SRGAP1: variants seen among roughly 807,000 people sequenced by gnomAD.
SRGAP1 encodes SLIT-ROBO Rho GTPase-activating protein 1.
SRGAP1 carries 43 observed loss-of-function variants against 121.9 expected under a neutral mutation model. That is an observed-to-expected ratio of 0.35 (90% CI 0.28 to 0.46). SRGAP1 has a LOEUF of 0.46. SRGAP1 is among the 20% of genes least tolerant of loss of function. The probability of loss-of-function intolerance (pLI) is 1.00; values close to 1 mark genes in which losing one functional copy is unlikely to be tolerated. For synonymous variants in SRGAP1, 447 were observed against 485.4 expected (o/e 0.92, Z 1.04); for missense variants, 1,102 against 1,350.9 (o/e 0.82, Z 2.89).
intron 1 of SRGAP1, among the ~76,000 whole-genome samples, chr12:63,920,980 C>T (rs539101493): frequency 2.0e-5 from 3 of 152,140 alleles, no homozygotes; most frequent in Admixed American, 2.0e-4. Context: ...AAAGTACCTT[C>T]AATTAAACAT....
chr12:63,904,738 G>C (rs57751875), intron 1 of SRGAP1, among the ~76,000 whole-genome samples: 23,709 of 151,986 alleles, frequency 0.16, 2,046 homozygotes, highest in African/African-American at 0.21. Context: ...GAAGACCAAC[G>C]TGGTCAACTT....
At chr12:64,036,372 G>A (rs2034903548) in intron 4 of SRGAP1, among the ~76,000 whole-genome samples, 1 of 152,160 alleles carries the variant, frequency 6.6e-6, no homozygotes, top group Admixed American at 6.5e-5. Context: ...TACCCCAGTG[G>A]TTTGGTTAGT....
intron 1 of SRGAP1, among the ~76,000 whole-genome samples, chr12:63,858,454 T>C (rs1899329776): frequency 6.6e-6 from 1 of 152,026 alleles, no homozygotes; most frequent in South Asian, 2.1e-4. Context: ...GTGCTGGGAT[T>C]ACAGGCATAG....
chr12:64,069,053 A>G (rs1196796210), intron 8 of SRGAP1, among the ~76,000 whole-genome samples: 1 of 151,506 alleles, frequency 6.6e-6, no homozygotes, highest in Non-Finnish European at 1.5e-5. Flanking sequence ...TTATAAATAT[A>G]TATTATTTAT....
At chr12:63,877,788 T>A (rs2136283232) in intron 1 of SRGAP1, among the ~76,000 whole-genome samples, 1 of 152,358 alleles carries the variant, frequency 6.6e-6, no homozygotes, top group Middle Eastern at 3.4e-3. Context: ...AGATACCATC[T>A]TTCTAGTCAG....
chr12:64,081,925 G>A (rs1222698470), intron 10 of SRGAP1: 1 of 128,170 alleles, frequency 7.8e-6, no homozygotes, highest in Non-Finnish European at 1.6e-5. Flanking sequence ...AAAAAAAAAA[G>A]TCTTTTTATC....
At chr12:63,991,568 TAGAC>T (rs1384130215) in intron 3 of SRGAP1, among the ~76,000 whole-genome samples, 9 of 152,200 alleles carry the variant, frequency 5.9e-5, no homozygotes, top group East Asian at 1.9e-4. Context: ...AAAAATAATT[TAGAC>T]AGAGCTGTGA....
intron 1 of SRGAP1, among the ~76,000 whole-genome samples, chr12:63,959,593 T>TA (rs1413059970): frequency 1.3e-5 from 2 of 152,316 alleles, no homozygotes; most frequent in African/African-American, 4.8e-5. Context: ...GGGTTTTTTT[T>TA]AAACTGTTAA....
In SRGAP1 at chr12:64,161,599, C is replaced by A. The variant is rs959648694; in HGVS notation, c.*18927C>A. The A allele has an allele frequency of 6.6e-6, 1 of 151,962 alleles. No homozygotes were observed. Among genetic ancestry groups the A allele is most frequent in the Admixed American group, 6.6e-5 (1 of 15,244 alleles). 9.4% of individuals were successfully genotyped at this position (151,962 alleles called of 1,614,324 possible). A position where few individuals can be genotyped will look rare whatever the true frequency, so the allele number is the denominator to read the frequency against. On this transcript the variant is annotated 3_prime_UTR_variant, in exon 22 of 22. Transcript: ENST00000355086. Reference sequence around the variant, plus strand: ...ATTAGTGATAGTTCTTCTAAGTTTTCTTCTCTCTGCACACTGTATTTCCTC... The same window carrying A: ...ATTAGTGATAGTTCTTCTAAGTTTTATTCTCTCTGCACACTGTATTTCCTC...
intron 1 of SRGAP1, 94 bp from the exon 2 acceptor site, chr12:63,983,828 ATATATATATATATATATATATATAT>A (rs2033333094): frequency 1.0e-5 from 1 of 95,964 alleles, no homozygotes; most frequent in Non-Finnish European, 2.0e-5. Flanking sequence ...ATATATATAT[ATATATATATATATATATATATATAT>A]ATTTATATAT....
chr12:63,955,717 AAAAC>A (rs2032444036), intron 1 of SRGAP1, among the ~76,000 whole-genome samples: 2 of 152,160 alleles, frequency 1.3e-5, no homozygotes, highest in Admixed American at 1.3e-4. Flanking sequence ...TTGAAAAAAA[AAAAC>A]AAGCTTTTGA....
intron 3 of SRGAP1, among the ~76,000 whole-genome samples, chr12:64,000,279 A>AGTGTGTGT (rs1161739912): frequency 3.5e-4 from 37 of 107,082 alleles, no homozygotes; most frequent in African/African-American, 1.3e-3. Flanking sequence ...TGTGTGTAAA[A>AGTGTGTGT]AAAAAAAACC....
At position 64,002,351 on chromosome 12, in the gene SRGAP1, G is replaced by C. The variant is rs376184240; in HGVS notation, c.426+12279G>C. On this transcript the variant is annotated intron_variant, in intron 3 of 21. Transcript: ENST00000355086. Reference sequence around the variant, plus strand: ...TGATCAGAGGAGCTGTGATCCAAGAGGGTGGGGCAACAACCTGTTGTTTTA... The same window carrying C: ...TGATCAGAGGAGCTGTGATCCAAGACGGTGGGGCAACAACCTGTTGTTTTA... Among the ~76,000 whole-genome samples, 62 of 152,326 alleles carry C rather than the reference G, an allele frequency of 4.1e-4. 1 individual carries two copies. In the Middle Eastern group the frequency reaches 0.02, roughly 50 times the overall value.
intron 1 of SRGAP1, among the ~76,000 whole-genome samples, chr12:63,977,757 T>A (rs1288038482): frequency 2.0e-5 from 3 of 152,222 alleles, no homozygotes; most frequent in Admixed American, 2.0e-4. Flanking sequence ...TTGGTATTGA[T>A]TCATTCCGTA....
intron 18 of SRGAP1, among the ~76,000 whole-genome samples, chr12:64,119,781 T>TC (rs199649083): frequency 0.011 from 1,648 of 149,810 alleles, 38 homozygotes; most frequent in African/African-American, 0.038. Context: ...TTTTTTTTTT[T>TC]TTTTTTTTGG....
chr12:63,855,296 A>G (rs1899201223), intron 1 of SRGAP1, among the ~76,000 whole-genome samples: 1 of 152,066 alleles, frequency 6.6e-6, no homozygotes, highest in Non-Finnish European at 1.5e-5. Flanking sequence ...CCTTACTAGT[A>G]CACATAATTT....
At chr12:63,901,183 C>G (rs895618951) in intron 1 of SRGAP1, among the ~76,000 whole-genome samples, 1 of 152,160 alleles carries the variant, frequency 6.6e-6, no homozygotes, top group Non-Finnish European at 1.5e-5. Flanking sequence ...CTCATAGTTG[C>G]TCTTCAAAAG....
At chr12:64,075,439 A>C (rs2035719319) in intron 8 of SRGAP1, among the ~76,000 whole-genome samples, 1 of 152,232 alleles carries the variant, frequency 6.6e-6, no homozygotes, top group South Asian at 2.1e-4. Context: ...CATCATGAAC[A>C]TGTCACAGTG....
intron 1 of SRGAP1, among the ~76,000 whole-genome samples, chr12:63,959,605 G>C (rs1163612442): frequency 6.6e-6 from 1 of 151,920 alleles, no homozygotes; most frequent in Non-Finnish European, 1.5e-5. Context: ...AACTGTTAAT[G>C]GGAGCCTTAG....
Sources: gnomAD v4.1 joint callset for allele counts (sites outside exome capture counted in the v4.1 genomes callset) on GRCh38, gnomAD v4.1.1 for gene constraint, MANE v1.5 for transcripts, NCBI Gene and HGNC (gene_info 2026-07-23, HGNC 2026-07-21) for gene names.